SBNO2: variants seen among roughly 807,000 people sequenced by gnomAD.
SBNO2 encodes protein strawberry notch homolog 2.
A neutral mutation model predicts 146.3 loss-of-function variants in SBNO2; 89 were observed. The observed-to-expected ratio is 0.61, with a 90% CI of 0.51 to 0.73. The LOEUF (loss-of-function observed/expected upper bound fraction) is 0.73. SBNO2 is among the 30% of genes least tolerant of loss of function. The probability of loss-of-function intolerance (pLI) is 0.00; values close to 1 mark genes in which losing one functional copy is unlikely to be tolerated. For synonymous variants in SBNO2, 1,147 were observed against 892.6 expected (o/e 1.29, Z -5.08); for missense variants, 2,092 against 2,003.7 (o/e 1.04, Z -0.84).
chr19:1,118,427 G>A (rs116001228), intron 14 of SBNO2, among the ~76,000 whole-genome samples: 2,311 of 152,254 alleles, frequency 0.015, 58 homozygotes, highest in African/African-American at 0.053. Flanking sequence ...TGGAGGGAAC[G>A]ACCAAGCCAC....
chr19:1,123,888 C>A, intron 6 of SBNO2, 54 bp downstream of exon 6: 1 of 1,557,204 alleles, frequency 6.4e-7, no homozygotes, highest in Non-Finnish European at 8.8e-7. Flanking sequence ...TGAGCCCTCT[C>A]CTTAGGTCCC....
intron 5 of SBNO2, chr19:1,127,394 T>C (rs1275214636): frequency 4.5e-5 from 27 of 595,596 alleles, no homozygotes; most frequent in African/African-American, 3.7e-5. Flanking sequence ...TAGCCACAGA[T>C]GTCCTGGACG....
At chr19:1,121,024 T>C (rs2079895082) in intron 11 of SBNO2, among the ~76,000 whole-genome samples, 1 of 152,202 alleles carries the variant, frequency 6.6e-6, no homozygotes, top group African/African-American at 2.4e-5. Context: ...CCCGGGTAGC[T>C]GGGATTACAG....
Position 1,126,930 on chromosome 19 carries a change from C to T in SBNO2, c.441+674G>A, listed in dbSNP as rs768051747. ...GCTAGGCCCGAAGAACCTGGGGGCC[C>T]TGCTGCCCTACAACCCCTGCTCTAG... On this transcript the variant is annotated intron_variant, in intron 5 of 31. Transcript: ENST00000361757. The surrounding 1 kb of genome is among the most constrained non-coding windows in gnomAD (Gnocchi z 4.4). Among the ~76,000 whole-genome samples, 3 of 152,210 alleles carry T rather than the reference C, an allele frequency of 2.0e-5. No homozygotes were observed. The highest frequency in any genetic ancestry group is 4.4e-5 in the Non-Finnish European group (3 of 68,030).
chr19:1,163,642 C>T (rs1002496156), intron 1 of SBNO2, among the ~76,000 whole-genome samples: 1 of 152,226 alleles, frequency 6.6e-6, no homozygotes, highest in Non-Finnish European at 1.5e-5. Flanking sequence ...CTGCCAACCA[C>T]GGGCAGAGGC....
chr19:1,113,185 G>A (rs1051118556), intron 19 of SBNO2, among the ~76,000 whole-genome samples: 6 of 152,176 alleles, frequency 3.9e-5, no homozygotes, highest in African/African-American at 1.2e-4. Flanking sequence ...GAAGCTGGGC[G>A]GGGGCAGGGA....
intron 2 of SBNO2, 71 bp from the exon 3 acceptor site, chr19:1,149,513 G>C: frequency 7.0e-7 from 1 of 1,432,636 alleles, no homozygotes; most frequent in South Asian, 1.2e-5. Context: ...AAGCCCTCCG[G>C]GCAGGGTGAC....
At position 1,112,521 on chromosome 19, in the gene SBNO2, G is replaced by A; in HGVS notation, c.2396C>T (p.Ser799Leu). Residue 799 changes from serine (S) to leucine (L), a missense_variant, in exon 21 of 32, where the codon TCG (serine) becomes TTG (leucine). Coordinates refer to ENST00000361757, the MANE Select transcript of SBNO2 (RefSeq NM_014963.3). The surrounding 1 kb of genome is among the most constrained non-coding windows in gnomAD (Gnocchi z 5.9). The part of the protein sequence containing the change: ...MSGEKLVAII[S>L]EASSSGVSLQ... ...GGAGACACCCGAGCTGGAGGCCTCC[G>A]AGATGATGGCCACGAGCTAGGGGGA... 1.2e-6 allele frequency: 2 copies of A among 1,603,240 alleles called. No individual in the cohort carries two copies. The highest frequency in any genetic ancestry group is 1.7e-6 in the Non-Finnish European group (2 of 1,177,762).
intron 14 of SBNO2, among the ~76,000 whole-genome samples, chr19:1,117,825 G>C (rs1028786623): frequency 2.6e-5 from 4 of 152,276 alleles, no homozygotes; most frequent in African/African-American, 7.2e-5. Flanking sequence ...TCTCACCCAG[G>C]TGTGATCCTG....
rs144155711 is a variant in SBNO2 at position 1,112,722 on chromosome 19, C to G, written c.2379+96G>C. 2,586 of 1,472,152 alleles carry G rather than the reference C, an allele frequency of 1.8e-3. 31 individuals are homozygous for G. The African/African-American group carries it at 0.031, about 18-fold the overall frequency. The allele number at this position is 1,472,152 out of a possible 1,614,324, so 91.2% of individuals were successfully genotyped here. On this transcript the variant is annotated intron_variant, in intron 20 of 31. Transcript: ENST00000361757. The surrounding 1 kb of genome is among the most constrained non-coding windows in gnomAD (Gnocchi z 5.9). ...CGCCCGCACCTGGCACACACACACT[C>G]CAGAAGTGCGCGGGTCCACAGTCCC...
intron 5 of SBNO2, among the ~76,000 whole-genome samples, chr19:1,125,452 C>A (rs1412456008): frequency 1.3e-5 from 2 of 151,510 alleles, no homozygotes; most frequent in Non-Finnish European, 2.9e-5. Flanking sequence ...AGGTGGATCA[C>A]CTGAGGTTGG....
chr19:1,147,921 C>T lies in SBNO2; in HGVS notation c.168-501G>A, dbSNP rs140256464. On this transcript the variant is annotated intron_variant, in intron 3 of 31. Coordinates refer to ENST00000361757, the MANE Select transcript of SBNO2 (RefSeq NM_014963.3). ...GTCACCCTGAGGATGGCAAAGGACA[C>T]AGCAAGGAGAAGGTCCTGGGGGCCC... is the stretch of plus-strand genomic sequence containing the variant. Among the ~76,000 whole-genome samples, 742 of 152,242 alleles carry T rather than the reference C, an allele frequency of 4.9e-3. 5 individuals carry two copies. The highest frequency in any genetic ancestry group is 0.017 in the African/African-American group (709 of 41,528).
At chr19:1,170,209 G>A (rs1036861472) in intron 1 of SBNO2, among the ~76,000 whole-genome samples, 1 of 152,322 alleles carries the variant, frequency 6.6e-6, no homozygotes, top group African/African-American at 2.4e-5. Flanking sequence ...CCACGCATCC[G>A]AAATCCCCGT....
In SBNO2 at chr19:1,112,931, G is replaced by A. The variant is rs746927459; in HGVS notation, c.2266C>T (p.Arg756Cys). ...GTCCCGTCGGGCCTGGACACCACGC[G>A]GCCTTTCCTGCCGGTCATCTGCAGC... ...RVAEMTGRKGRVVSRPDGTVA... is the reference protein window; with the variant it reads ...RVAEMTGRKGCVVSRPDGTVA... Residue 756 changes from arginine (R) to cysteine (C), a missense_variant, in exon 20 of 32, where the codon CGC (arginine) becomes TGC (cysteine). By Grantham distance (180) the Arg-to-Cys change is radical. Coordinates refer to ENST00000361757, the MANE Select transcript of SBNO2 (RefSeq NM_014963.3). The surrounding 1 kb of genome is among the most constrained non-coding windows in gnomAD (Gnocchi z 5.9). The A allele has an allele frequency of 6.4e-7, 1 of 1,564,068 alleles. No homozygotes were observed. The highest frequency in any genetic ancestry group is 8.7e-7 in the Non-Finnish European group (1 of 1,155,836).
Position 1,120,709 on chromosome 19 carries a change from A to G in SBNO2, c.1150-686T>C, listed in dbSNP as rs561164327. Among the ~76,000 whole-genome samples, 5 of 150,974 alleles carry G rather than the reference A, an allele frequency of 3.3e-5. No homozygotes were observed. The East Asian group carries it at 9.8e-4, about 30-fold the overall frequency. On this transcript the variant is annotated intron_variant, in intron 11 of 31. Coordinates refer to ENST00000361757, the MANE Select transcript of SBNO2 (RefSeq NM_014963.3). ...TTTTGAGACGAAGTCTCGCTCTGTC[A>G]CTAGGCTGGAATGCAGCGGCGCGAT...
intron 4 of SBNO2, among the ~76,000 whole-genome samples, chr19:1,130,944 CACTTCT>C (rs955773231): frequency 2.0e-5 from 3 of 152,178 alleles, no homozygotes; most frequent in African/African-American, 7.2e-5. Context: ...TCGAAGCCTT[CACTTCT>C]AGCAGGTGCC....
chr19:1,123,797 G>T, intron 6 of SBNO2, 145 bp downstream of exon 6: 1 of 1,054,770 alleles, frequency 9.5e-7, no homozygotes, highest in African/African-American at 1.6e-5. Context: ...CTCCCCCAGG[G>T]CCTCCATCTC....
In SBNO2 at chr19:1,124,035, C is replaced by G; in HGVS notation, c.442-13G>C. On this transcript the variant is annotated splice_polypyrimidine_tract_variant and intron_variant, in intron 5 of 31. Transcript: ENST00000361757. ...TGAGCTGGAACAGCTGGAAGGGGAG[C>G]AGGATGTCAGCCCGGGCCAGACGGG... The G allele has an allele frequency of 1.2e-6, 2 of 1,608,172 alleles. No homozygotes were observed. The highest frequency in any genetic ancestry group is 1.7e-6 in the Non-Finnish European group (2 of 1,177,878).
chr19:1,107,993 G>A lies in SBNO2; in HGVS notation c.*227C>T, dbSNP rs972007331. ...CCACCCGGAGCCCCTTCCTACTTGG[G>A]AGGAGAGGCACAGAGAGGGCCCTGC... On this transcript the variant is annotated 3_prime_UTR_variant, in exon 32 of 32. Transcript: ENST00000361757. The A allele has an allele frequency of 2.9e-6, 1 of 346,150 alleles. No individual in the cohort carries two copies. Among genetic ancestry groups the A allele is most frequent in the Non-Finnish European group, 5.2e-6 (1 of 191,754 alleles). 21.4% of individuals were successfully genotyped at this position (346,150 alleles called of 1,614,324 possible).
Sources: gnomAD v4.1 joint callset for allele counts (sites outside exome capture counted in the v4.1 genomes callset) on GRCh38, gnomAD v4.1.1 for gene constraint, Gnocchi (gnomAD v3.1) non-coding constraint, MANE v1.5 for transcripts, NCBI Gene and HGNC (gene_info 2026-07-23, HGNC 2026-07-21) for gene names.